The following SH2D1A variants were observed in gnomAD, a reference collection of about 807,000 sequenced individuals.
SH2D1A encodes SH2 domain containing 1A.
In SH2D1A, 6 loss-of-function variants were observed where a neutral mutation model predicts 10.1. The observed-to-expected ratio is 0.60, with a 90% CI of 0.33 to 1.18. The LOEUF is 1.18. SH2D1A is among the 50% of genes most tolerant of loss of function. The pLI is 0.04. For synonymous variants in SH2D1A, 42 were observed against 36.9 expected, an observed-to-expected ratio of 1.14 and a Z score of -0.51; for missense variants, 51 against 97.6, an observed-to-expected ratio of 0.52 and a Z score of 2.01.
intron 1 of SH2D1A, 93 bp from the exon 2 acceptor site, chrX:124,365,668 A>ATATG: frequency 1.6e-6 from 1 of 610,232 alleles, no homozygotes; most frequent in Non-Finnish European, 2.9e-6. Flanking sequence ...GTGTCCTAGT[A>ATATG]TATGTGACAT....
intron 1 of SH2D1A, among the ~76,000 whole-genome samples, chrX:124,351,038 A>ATTTTATATATATTATTATAAATATATATT (rs2060013313): frequency 4.5e-5 from 4 of 89,604 alleles, no homozygotes; most frequent in African/African-American, 8.3e-5. Flanking sequence ...AAATATATAT[A>ATTTTATATATATTATTATAAATATATATT]TTTTATATAT....
In SH2D1A at chrX:124,371,555, T is replaced by A; in HGVS notation, c.*164T>A. The A allele has an allele frequency of 3.0e-6, 1 of 330,964 alleles. No homozygotes were observed. Among genetic ancestry groups the A allele is most frequent in the South Asian group, 1.3e-4 (1 of 7,849 alleles). The allele number at this position is 330,964 out of a possible 1,213,427, so 27.3% of individuals were successfully genotyped here. ...TGTCGTCAAAGCTGAAATGGACTTT[T>A]GTACATAGTGAGGAGCTTTGAAACG... is the stretch of plus-strand genomic sequence containing the variant. On this transcript the variant is annotated 3_prime_UTR_variant, in exon 4 of 4. Coordinates refer to ENST00000371139, the MANE Select transcript of SH2D1A (RefSeq NM_002351.5).
Position 124,346,590 on chromosome X carries a change from G to A in SH2D1A, c.-53G>A. On this transcript the variant is annotated 5_prime_UTR_variant, in exon 1 of 4. Transcript: ENST00000371139. ...CTTGTGCCTGGCTGCAGTAGCAGCG[G>A]CATCTCCCTTGCACAGTTCTCCTCC... The A allele has an allele frequency of 1.7e-6, 2 of 1,195,188 alleles. No individual in the cohort carries two copies. Among genetic ancestry groups the A allele is most frequent in the Non-Finnish European group, 2.3e-6 (2 of 880,916 alleles).
At chrX:124,358,508 A>C (rs1006423504) in intron 1 of SH2D1A, among the ~76,000 whole-genome samples, 2 of 112,548 alleles carry the variant, frequency 1.8e-5, no homozygotes, top group South Asian at 7.3e-4. Flanking sequence ...TTTATAATAG[A>C]AGCTATAGAA....
intron 1 of SH2D1A, among the ~76,000 whole-genome samples, chrX:124,355,134 T>C (rs1293549940): frequency 1.8e-5 from 2 of 112,992 alleles, no homozygotes; most frequent in African/African-American, 6.4e-5. Flanking sequence ...CTTGCTTTAT[T>C]TGAAATGTCA....
At chrX:124,349,406 A>AT (rs1282168577) in intron 1 of SH2D1A, among the ~76,000 whole-genome samples, 1 of 111,782 alleles carries the variant, frequency 8.9e-6, no homozygotes, top group Non-Finnish European at 1.9e-5. Context: ...TTATTTAGAA[A>AT]TAAACCACGT....
At chrX:124,366,470 C>T in intron 2 of SH2D1A, among the ~76,000 whole-genome samples, 1 of 111,407 alleles carries the variant, frequency 9.0e-6, no homozygotes, top group East Asian at 2.8e-4. Context: ...CTGTTTGCCA[C>T]AAGGCCTGGC....
intron 1 of SH2D1A, among the ~76,000 whole-genome samples, chrX:124,352,882 G>C (rs1467248880): frequency 1.8e-5 from 2 of 111,495 alleles, no homozygotes; most frequent in Non-Finnish European, 3.8e-5. Context: ...TGGCTAATGG[G>C]TACAAACAGA....
chrX:124,366,856 A>G (rs947150098), intron 2 of SH2D1A, among the ~76,000 whole-genome samples: 1 of 101,819 alleles, frequency 9.8e-6, no homozygotes, highest in African/African-American at 3.7e-5. Flanking sequence ...GAAGAAAGTT[A>G]TGTGTAAAAT....
chrX:124,346,926 C>T, intron 1 of SH2D1A, 147 bp downstream of exon 1: 1 of 626,377 alleles, frequency 1.6e-6, no homozygotes, highest in Non-Finnish European at 2.6e-6. Flanking sequence ...TCAAGTCCAG[C>T]CCAGGGCCGT....
intron 1 of SH2D1A, among the ~76,000 whole-genome samples, chrX:124,362,359 G>T: frequency 8.9e-6 from 1 of 112,476 alleles, no homozygotes; most frequent in Middle Eastern, 4.6e-3. Flanking sequence ...AACCTGAAGG[G>T]CAGAATATTG....
chrX:124,347,139 C>G (rs1197035385), intron 1 of SH2D1A, among the ~76,000 whole-genome samples: 1 of 111,704 alleles, frequency 9.0e-6, no homozygotes, highest in Admixed American at 9.4e-5. Flanking sequence ...GGGTGGCGCC[C>G]TGCGAGCCTT....
chrX:124,349,499 T>C (rs1196042193), intron 1 of SH2D1A, among the ~76,000 whole-genome samples: 1 of 111,913 alleles, frequency 8.9e-6, no homozygotes, highest in Non-Finnish European at 1.9e-5. Context: ...CAACAAGGTA[T>C]AGCTGACAAA....
Position 124,373,020 on chromosome X carries a change from G to A in SH2D1A, c.*1629G>A, listed in dbSNP as rs763754584. ...GCGTAACTAATTTTAACTCTATAATGTGTTCATTCTGGAATAATCCTAAAC... is the reference window on the plus strand; with the variant it reads ...GCGTAACTAATTTTAACTCTATAATATGTTCATTCTGGAATAATCCTAAAC... On this transcript the variant is annotated 3_prime_UTR_variant, in exon 4 of 4. Transcript: ENST00000371139. 6.4e-5 allele frequency: 10 copies of A among 156,046 alleles called. No individual in the cohort carries two copies. In the South Asian group the frequency reaches 3.3e-3, roughly 52 times the overall value. The allele number at this position is 156,046 out of a possible 1,213,427, so 12.9% of individuals were successfully genotyped here.
At chrX:124,348,489 C>G (rs964696171) in intron 1 of SH2D1A, among the ~76,000 whole-genome samples, 1 of 111,378 alleles carries the variant, frequency 9.0e-6, no homozygotes. Flanking sequence ...AAAAATGCCC[C>G]CACTTAGGAT....
Position 124,346,654 on chromosome X carries a change from G to T in SH2D1A, c.12G>T (p.Val4=), listed in dbSNP as rs142020430. ...GAGTCCACCAGGCCATGGACGCAGTGGCTGTGTATCATGGCAAAATCAGCA... is the reference window on the plus strand; with the variant it reads ...GAGTCCACCAGGCCATGGACGCAGTTGCTGTGTATCATGGCAAAATCAGCA... MDA[V]AVYHGKISRE... Residue 4 remains valine (V), a synonymous_variant, in exon 1 of 4, where the codon GTG becomes GTT. Transcript: ENST00000371139. 1.7e-6 allele frequency: 2 copies of T among 1,210,571 alleles called. No homozygotes were observed. The highest frequency in any genetic ancestry group is 2.2e-6 in the Non-Finnish European group (2 of 895,178).
At chrX:124,350,222 A>G (rs1189931498) in intron 1 of SH2D1A, among the ~76,000 whole-genome samples, 1 of 35,769 alleles carries the variant, frequency 2.8e-5, no homozygotes, top group Non-Finnish European at 4.2e-5. Flanking sequence ...TATAATATAT[A>G]AATATATATT....
At chrX:124,354,638 G>T (rs1429376788) in intron 1 of SH2D1A, among the ~76,000 whole-genome samples, 1 of 111,468 alleles carries the variant, frequency 9.0e-6, no homozygotes, top group Non-Finnish European at 1.9e-5. Context: ...ACGGCAGATG[G>T]TGATAATGAG....
At chrX:124,363,736 A>G (rs1235511730) in intron 1 of SH2D1A, among the ~76,000 whole-genome samples, 3 of 109,435 alleles carry the variant, frequency 2.7e-5, no homozygotes, top group Non-Finnish European at 5.7e-5. Context: ...TCTACTAAAA[A>G]TACAAAAATT....
Sources: allele counts gnomAD v4.1 joint callset (sites outside exome capture counted in the v4.1 genomes callset), GRCh38; gene constraint gnomAD v4.1.1; transcripts MANE v1.5; gene names NCBI Gene and HGNC (gene_info 2026-07-23, HGNC 2026-07-21).